ADGRL2: variants seen among roughly 807,000 people sequenced by gnomAD.
ADGRL2 encodes calcium-independent alpha-latrotoxin receptor 2.
Under a neutral mutation model 157.4 loss-of-function variants are expected in ADGRL2, and 44 were observed. That is an observed-to-expected ratio of 0.28 (90% CI 0.22 to 0.36). The LOEUF (loss-of-function observed/expected upper bound fraction) is 0.36. ADGRL2 is among the 10% of genes least tolerant of loss of function. ADGRL2 has a pLI of 1.00. For synonymous variants in ADGRL2, 585 were observed against 624.7 expected (o/e 0.94, Z 0.95); for missense variants, 1,510 against 1,768.9 (o/e 0.85, Z 2.63).
chr1:81,748,904 G>C (rs2149259658), intron 1 of ADGRL2, among the ~76,000 whole-genome samples: 1 of 152,126 alleles, frequency 6.6e-6, no homozygotes, highest in South Asian at 2.1e-4. Flanking sequence ...CTGACCTCAG[G>C]TGCTCCACCC....
At chr1:81,668,088 C>T (rs2082788622) in intron 3 of ADGRL2, among the ~76,000 whole-genome samples, 1 of 152,056 alleles carries the variant, frequency 6.6e-6, no homozygotes, top group Admixed American at 6.6e-5. Context: ...GTAGTAGCAC[C>T]TAATTTATTA....
intron 4 of ADGRL2, among the ~76,000 whole-genome samples, chr1:81,939,606 T>C (rs186833233): frequency 6.6e-6 from 1 of 151,538 alleles, no homozygotes; most frequent in Non-Finnish European, 1.5e-5. Flanking sequence ...GGTTAATTTC[T>C]TGTCTTGCAT....
intron 1 of ADGRL2, among the ~76,000 whole-genome samples, chr1:81,399,433 AGTG>A (rs1322092313): frequency 1.3e-5 from 2 of 152,316 alleles, no homozygotes; most frequent in East Asian, 3.9e-4. Context: ...TTGTTCACTT[AGTG>A]GTATCGCATA....
chr1:81,863,833 T>A (rs966045960), intron 2 of ADGRL2, among the ~76,000 whole-genome samples: 5 of 152,198 alleles, frequency 3.3e-5, no homozygotes, highest in Admixed American at 1.3e-4. Context: ...CTGAATTATG[T>A]GTCACCAGTT....
chr1:81,819,003 A>C (rs1230422183), intron 1 of ADGRL2, among the ~76,000 whole-genome samples: 1 of 152,144 alleles, frequency 6.6e-6, no homozygotes, highest in Non-Finnish European at 1.5e-5. Context: ...CGGGTGTGTT[A>C]GTTTGGGACA....
At chr1:81,951,165 A>AG (rs1280794331) in intron 8 of ADGRL2, 44 bp downstream of exon 8, 2 of 1,241,920 alleles carry the variant, frequency 1.6e-6, no homozygotes, top group Non-Finnish European at 2.4e-6. Context: ...GATTTAGGGC[A>AG]TTAACTTCTA....
intron 1 of ADGRL2, among the ~76,000 whole-genome samples, chr1:81,393,823 TTTTTTTTTTTGC>T (rs1190379868): frequency 1.4e-5 from 2 of 143,416 alleles, no homozygotes; most frequent in African/African-American, 4.9e-5. Flanking sequence ...CCTTGCTTTT[TTTTTTTTTTTGC>T]TTTTTTTTGC....
intron 2 of ADGRL2, among the ~76,000 whole-genome samples, chr1:81,773,478 C>T (rs1190926564): frequency 2.6e-5 from 4 of 152,122 alleles, no homozygotes; most frequent in African/African-American, 9.7e-5. Context: ...GTACCACCTT[C>T]CTCTGTTTTA....
intron 2 of ADGRL2, among the ~76,000 whole-genome samples, chr1:81,534,952 AACATCCATTTAAGT>A (rs1557436966): frequency 6.6e-6 from 1 of 152,190 alleles, no homozygotes. Context: ...CGATGACAAG[AACATCCATTTAAGT>A]ACCTTCCCTC....
chr1:81,515,555 A>G (rs575472489), intron 2 of ADGRL2, among the ~76,000 whole-genome samples: 1 of 151,830 alleles, frequency 6.6e-6, no homozygotes, highest in Non-Finnish European at 1.5e-5. Context: ...TCACTTTGCT[A>G]TGTGACTTGT....
chr1:81,309,877 T>A (rs1486501583), intron 1 of ADGRL2, among the ~76,000 whole-genome samples: 1 of 152,164 alleles, frequency 6.6e-6, no homozygotes, highest in Non-Finnish European at 1.5e-5. Flanking sequence ...AAGTGCTCAG[T>A]AATGATGGAA....
chr1:81,639,012 A>G (rs1456310326), intron 3 of ADGRL2, among the ~76,000 whole-genome samples: 1 of 152,170 alleles, frequency 6.6e-6, no homozygotes, highest in Admixed American at 6.5e-5. Context: ...AAAAGAAAAG[A>G]AAAGCAGCAA....
Position 81,421,699 on chromosome 1 carries a change from C to CTTT in ADGRL2, c.-301-23328_-301-23326dup, listed in dbSNP as rs34389652. On this transcript the variant is annotated intron_variant, in intron 1 of 24. Coordinates refer to the ADGRL2 transcript ENST00000370721. ...CCACACAACATCTCAACTAAATATT[C>CTTT]TTTTTTTTTTTGCCTCCCCAGAATA... Among the ~76,000 whole-genome samples the CTTT allele has an allele frequency of 6.9e-4, 102 of 148,180 alleles. 1 individual carries two copies. Among genetic ancestry groups the CTTT allele is most frequent in the East Asian group, 1.4e-3 (7 of 5,070 alleles).
At chr1:81,686,065 T>A (rs564139300) in intron 3 of ADGRL2, among the ~76,000 whole-genome samples, 2 of 152,308 alleles carry the variant, frequency 1.3e-5, no homozygotes, top group African/African-American at 2.4e-5. Flanking sequence ...TTTTAGCAAC[T>A]ATGTTCATCA....
chr1:81,954,643 T>C (rs1041764281), intron 10 of ADGRL2, among the ~76,000 whole-genome samples: 2 of 152,156 alleles, frequency 1.3e-5, no homozygotes, highest in Admixed American at 6.5e-5. Flanking sequence ...GCAGTATCAG[T>C]GTGAGCATTT....
intron 2 of ADGRL2, among the ~76,000 whole-genome samples, chr1:81,479,756 G>A (rs1278231860): frequency 3.3e-5 from 5 of 152,076 alleles, no homozygotes; most frequent in African/African-American, 1.2e-4. Context: ...CATTTCCCAT[G>A]TGATTTTACA....
intron 1 of ADGRL2, among the ~76,000 whole-genome samples, chr1:81,329,121 C>A (rs781245382): frequency 4.6e-5 from 7 of 152,110 alleles, no homozygotes; most frequent in Non-Finnish European, 7.4e-5. Context: ...TTCCCACTGT[C>A]TAACTGCTCT....
intron 2 of ADGRL2, among the ~76,000 whole-genome samples, chr1:81,465,257 T>C (rs2078028874): frequency 1.3e-5 from 2 of 152,228 alleles, no homozygotes; most frequent in South Asian, 4.1e-4. Context: ...TTGACAATTA[T>C]ACTAAGTTCT....
intron 2 of ADGRL2, among the ~76,000 whole-genome samples, chr1:81,861,670 C>A (rs549493160): frequency 6.6e-6 from 1 of 152,112 alleles, no homozygotes; most frequent in South Asian, 2.1e-4. Context: ...AGGTGGATCA[C>A]TTGAGGTCAA....
Sources: gnomAD v4.1 joint callset for allele counts (sites outside exome capture counted in the v4.1 genomes callset) on GRCh38, gnomAD v4.1.1 for gene constraint, MANE v1.5 for transcripts, NCBI Gene and HGNC (gene_info 2026-07-23, HGNC 2026-07-21) for gene names.